The following AUTS2 variants were observed in gnomAD, a reference collection of about 807,000 sequenced individuals.
AUTS2 encodes the protein activator of transcription and developmental regulator AUTS2.
AUTS2 carries 17 observed loss-of-function variants against 112.4 expected under a neutral mutation model. The observed-to-expected ratio is 0.15, with a 90% CI of 0.10 to 0.23. The LOEUF is 0.23. AUTS2 is among the 10% of genes least tolerant of loss of function. AUTS2 has a pLI of 1.00. For missense variants in AUTS2, 1,510 were observed against 1,701.6 expected (o/e 0.89, Z 1.98); for synonymous variants, 751 against 702.7 (o/e 1.07, Z -1.09).
chr7:70,053,454 A>C (rs1424009105), intron 2 of AUTS2, among the ~76,000 whole-genome samples: 1 of 152,088 alleles, frequency 6.6e-6, no homozygotes, highest in Non-Finnish European at 1.5e-5. Flanking sequence ...TCCAAACCAA[A>C]ATAGTACATC....
At chr7:70,357,646 C>T (rs191674907) in intron 4 of AUTS2, among the ~76,000 whole-genome samples, 1 of 152,206 alleles carries the variant, frequency 6.6e-6, no homozygotes, top group East Asian at 1.9e-4. Context: ...AAACGCACGG[C>T]CTTTTTAAGT....
chr7:70,366,895 T>C (rs1792595819), intron 4 of AUTS2, among the ~76,000 whole-genome samples: 1 of 152,102 alleles, frequency 6.6e-6, no homozygotes, highest in Non-Finnish European at 1.5e-5. Flanking sequence ...TCAGTTCATT[T>C]TGGAGATGTT....
chr7:70,772,970 A>G (rs1161999987), intron 11 of AUTS2, among the ~76,000 whole-genome samples: 1 of 152,202 alleles, frequency 6.6e-6, no homozygotes, highest in African/African-American at 2.4e-5. Flanking sequence ...CAATTATCCA[A>G]TCACACAGAA....
At chr7:70,524,969 G>T (rs996238417) in intron 5 of AUTS2, among the ~76,000 whole-genome samples, 1 of 152,192 alleles carries the variant, frequency 6.6e-6, no homozygotes, top group Non-Finnish European at 1.5e-5. Context: ...GCACTGGCTT[G>T]AGGATGATGG....
intron 5 of AUTS2, among the ~76,000 whole-genome samples, chr7:70,533,218 C>A (rs1020993467): frequency 6.6e-6 from 1 of 152,154 alleles, no homozygotes; most frequent in South Asian, 2.1e-4. Flanking sequence ...CAATCTCAAG[C>A]AATCCTCCTG....
intron 2 of AUTS2, among the ~76,000 whole-genome samples, chr7:70,087,889 A>G (rs998949675): frequency 6.6e-6 from 1 of 152,116 alleles, no homozygotes; most frequent in Non-Finnish European, 1.5e-5. Flanking sequence ...CAATTTGTTT[A>G]ATTGACAAAG....
intron 4 of AUTS2, among the ~76,000 whole-genome samples, chr7:70,365,252 C>G (rs1792515078): frequency 6.6e-6 from 1 of 152,178 alleles, no homozygotes; most frequent in South Asian, 2.1e-4. Context: ...AACCCGGATA[C>G]AAAGATTCTC....
chr7:70,674,207 G>A (rs984713055), intron 5 of AUTS2, among the ~76,000 whole-genome samples: 10 of 152,186 alleles, frequency 6.6e-5, no homozygotes, highest in Non-Finnish European at 1.0e-4. Context: ...GAATGTTCAG[G>A]CATTGGTTAA....
At chr7:70,331,728 A>G (rs1463294808) in intron 4 of AUTS2, among the ~76,000 whole-genome samples, 2 of 152,214 alleles carry the variant, frequency 1.3e-5, no homozygotes, top group Non-Finnish European at 2.9e-5. Flanking sequence ...CCACATGATT[A>G]TCTCAATAGA....
At chr7:70,016,639 A>C (rs891935641) in intron 2 of AUTS2, among the ~76,000 whole-genome samples, 1 of 151,978 alleles carries the variant, frequency 6.6e-6, no homozygotes, top group Non-Finnish European at 1.5e-5. Context: ...ATGGAGAGAA[A>C]GGGAGAAGGT....
intron 2 of AUTS2, among the ~76,000 whole-genome samples, chr7:70,002,505 G>T (rs1329399838): frequency 6.6e-6 from 1 of 152,040 alleles, no homozygotes; most frequent in African/African-American, 2.4e-5. Context: ...TCATAAATAT[G>T]GTAGATGGGA....
intron 2 of AUTS2, among the ~76,000 whole-genome samples, chr7:69,949,412 G>A (rs1320800824): frequency 6.6e-6 from 1 of 152,112 alleles, no homozygotes; most frequent in Non-Finnish European, 1.5e-5. Context: ...TGCTATTTTT[G>A]TCCACATTTT....
chr7:69,911,898 C>T (rs902366021), intron 2 of AUTS2, among the ~76,000 whole-genome samples: 19 of 152,254 alleles, frequency 1.2e-4, no homozygotes, highest in African/African-American at 4.6e-4. Context: ...TTGTCCCTGG[C>T]TTGAAGGTGG....
chr7:69,684,093 T>C (rs1796946261), intron 1 of AUTS2, among the ~76,000 whole-genome samples: 1 of 152,198 alleles, frequency 6.6e-6, no homozygotes, highest in Admixed American at 6.5e-5. Flanking sequence ...AACAGCCCTG[T>C]AGGTTCTTAG....
At chr7:70,252,395 C>G (rs1489748058) in intron 4 of AUTS2, among the ~76,000 whole-genome samples, 2 of 152,082 alleles carry the variant, frequency 1.3e-5, no homozygotes, top group Non-Finnish European at 2.9e-5. Flanking sequence ...ATTTGTATGC[C>G]TTCTTTGGAG....
intron 4 of AUTS2, among the ~76,000 whole-genome samples, chr7:70,248,771 C>G (rs1813060768): frequency 6.6e-6 from 1 of 152,176 alleles, no homozygotes; most frequent in Non-Finnish European, 1.5e-5. Flanking sequence ...ATTTCAAAGT[C>G]TAAAGTTACT....
chr7:69,945,599 T>C (rs1442752844), intron 2 of AUTS2, among the ~76,000 whole-genome samples: 2 of 152,116 alleles, frequency 1.3e-5, no homozygotes, highest in African/African-American at 2.4e-5. Context: ...ATAGTTACCA[T>C]TTTTTGTTGT....
chr7:69,814,493 G>A (rs189862395), intron 1 of AUTS2, among the ~76,000 whole-genome samples: 1 of 152,234 alleles, frequency 6.6e-6, no homozygotes, highest in Non-Finnish European at 1.5e-5. Flanking sequence ...TGTGTGTATG[G>A]GCTCCTCCCG....
At chr7:69,761,747 A>T (rs1033740374) in intron 1 of AUTS2, among the ~76,000 whole-genome samples, 66 of 152,298 alleles carry the variant, frequency 4.3e-4, no homozygotes, top group African/African-American at 1.5e-3. Flanking sequence ...TAAGCTAATA[A>T]CTGGAATGAA....
Sources: allele counts gnomAD v4.1 joint callset (sites outside exome capture counted in the v4.1 genomes callset), GRCh38; gene constraint gnomAD v4.1.1; transcripts MANE v1.5; gene names NCBI Gene and HGNC (gene_info 2026-07-23, HGNC 2026-07-21).